DGAT2L6: variants seen among roughly 807,000 people sequenced by gnomAD.
DGAT2L6 encodes diacylglycerol O-acyltransferase 2 like 6.
In DGAT2L6, 22 loss-of-function variants were observed where a neutral mutation model predicts 25.5. The ratio of observed to expected loss-of-function variants is 0.86; its 90% CI spans 0.62 to 1.23. DGAT2L6 has a LOEUF of 1.23. Among genes scored for constraint, DGAT2L6 ranks in the 50% most tolerant of loss-of-function variants. The pLI is 0.00. For missense variants in DGAT2L6, 287 were observed against 253.2 expected (o/e 1.13, Z -0.91); for synonymous variants, 100 against 94.7 (o/e 1.06, Z -0.32).
intron 1 of DGAT2L6, among the ~76,000 whole-genome samples, chrX:70,178,254 T>TTAC: frequency 9.0e-6 from 1 of 111,042 alleles, no homozygotes; most frequent in South Asian, 3.8e-4. Flanking sequence ...AGAGTTGGTG[T>TTAC]TACTAGGTAG....
At chrX:70,178,280 C>T (rs1184774449) in intron 1 of DGAT2L6, among the ~76,000 whole-genome samples, 1 of 110,862 alleles carries the variant, frequency 9.0e-6, no homozygotes, top group African/African-American at 3.3e-5. Context: ...GGGTGATTTT[C>T]TAGTCTATGG....
At chrX:70,177,988 T>A (rs1162030478) in intron 1 of DGAT2L6, among the ~76,000 whole-genome samples, 8 of 108,208 alleles carry the variant, frequency 7.4e-5, no homozygotes, top group African/African-American at 2.4e-4. Context: ...ATACAAAAAT[T>A]AGCCAGGCAT....
chrX:70,179,483 G>A (rs1602686054), intron 1 of DGAT2L6, among the ~76,000 whole-genome samples: 1 of 109,467 alleles, frequency 9.1e-6, no homozygotes, highest in South Asian at 4.0e-4. Context: ...GGGGAAAGAG[G>A]TCAAGAGAGG....
At chrX:70,202,996 G>T (rs1183030490) in intron 5 of DGAT2L6, among the ~76,000 whole-genome samples, 3 of 111,796 alleles carry the variant, frequency 2.7e-5, no homozygotes, top group Non-Finnish European at 3.8e-5. Context: ...CCTCAAGCAG[G>T]CCACCCGCTC....
chrX:70,199,693 G>A, intron 2 of DGAT2L6, 119 bp from the exon 3 acceptor site: 1 of 613,913 alleles, frequency 1.6e-6, no homozygotes, highest in Non-Finnish European at 2.6e-6. Context: ...ACAGTTCTGA[G>A]GTGTCAGAAG....
intron 1 of DGAT2L6, among the ~76,000 whole-genome samples, chrX:70,185,848 A>G (rs2085357757): frequency 9.4e-6 from 1 of 106,232 alleles, no homozygotes; most frequent in African/African-American, 3.5e-5. Context: ...TTGACAAACT[A>G]CTTTTGTTTT....
At chrX:70,180,395 G>A (rs777513967) in intron 1 of DGAT2L6, among the ~76,000 whole-genome samples, 1 of 110,826 alleles carries the variant, frequency 9.0e-6, no homozygotes, top group African/African-American at 3.3e-5. Context: ...GTTGCAGTGA[G>A]CCAAGATTGC....
In DGAT2L6 at chrX:70,205,198, T is replaced by C; in HGVS notation, c.*92T>C. 2.0e-6 allele frequency: 2 copies of C among 979,868 alleles called. No homozygotes were observed. The highest frequency in any genetic ancestry group is 3.5e-5 in the East Asian group (1 of 28,754). 80.8% of individuals were successfully genotyped at this position (979,868 alleles called of 1,213,427 possible). On this transcript the variant is annotated 3_prime_UTR_variant, in exon 7 of 7. Transcript: ENST00000333026. Reference sequence around the variant, plus strand: ...AGAAGAATTCCAGGAGAGGGAAAGATCGTAAGGATGAGAGAGGAGACCATC... The same window carrying C: ...AGAAGAATTCCAGGAGAGGGAAAGACCGTAAGGATGAGAGAGGAGACCATC...
chrX:70,195,658 T>C (rs1356254823), intron 1 of DGAT2L6, among the ~76,000 whole-genome samples: 7 of 111,866 alleles, frequency 6.3e-5, no homozygotes, highest in Non-Finnish European at 1.3e-4. Context: ...CTCAGGAGGC[T>C]GAGGTGGGAG....
At chrX:70,189,869 T>C (rs2085370440) in intron 1 of DGAT2L6, among the ~76,000 whole-genome samples, 1 of 112,215 alleles carries the variant, frequency 8.9e-6, no homozygotes, top group Admixed American at 9.4e-5. Flanking sequence ...TAAAATAATC[T>C]TGTTTTTTCA....
chrX:70,193,630 GAGA>G (rs1367348703), intron 1 of DGAT2L6, among the ~76,000 whole-genome samples: 2 of 112,270 alleles, frequency 1.8e-5, no homozygotes, highest in Admixed American at 9.4e-5. Context: ...ACCACATTAA[GAGA>G]AGAAGAATAA....
intron 1 of DGAT2L6, among the ~76,000 whole-genome samples, chrX:70,196,199 CA>C (rs772420908): frequency 8.2e-5 from 9 of 110,288 alleles, no homozygotes; most frequent in African/African-American, 2.6e-4. Flanking sequence ...CAGGGGAGGT[CA>C]GGGGCAGTGG....
Position 70,200,401 on chromosome X carries a change from A to G in DGAT2L6, c.414A>G (p.Val138=). 1 of 1,211,923 alleles carries G rather than the reference A, an allele frequency of 8.3e-7. No homozygotes were observed. Among genetic ancestry groups the G allele is most frequent in the Non-Finnish European group, 1.1e-6 (1 of 895,521 alleles). Residue 138 remains valine, a synonymous_variant, in exon 4 of 7, where the codon GTA becomes GTG. Coordinates refer to ENST00000333026, the MANE Select transcript of DGAT2L6 (RefSeq NM_198512.3). ...TTTTCCCATCCATCACTCCCTTTGT[A>G]GGGACCTTAGAAAGGATATTTTGGA... is the stretch of plus-strand genomic sequence containing the variant. The part of the protein sequence containing the change: ...ARIFPSITPF[V]GTLERIFWIP...
intron 1 of DGAT2L6, among the ~76,000 whole-genome samples, chrX:70,191,584 G>C (rs1257467981): frequency 8.9e-6 from 1 of 111,780 alleles, no homozygotes; most frequent in African/African-American, 3.3e-5. Context: ...AGAAGAAAAA[G>C]AGAGAGAAAG....
intron 1 of DGAT2L6, among the ~76,000 whole-genome samples, chrX:70,182,685 G>C (rs1305566011): frequency 9.5e-6 from 1 of 105,497 alleles, no homozygotes; most frequent in Middle Eastern, 4.8e-3. Context: ...GCAGAGTCTC[G>C]CTCTGTCGCC....
intron 1 of DGAT2L6, among the ~76,000 whole-genome samples, chrX:70,195,317 G>A (rs1326298627): frequency 9.0e-6 from 1 of 111,725 alleles, no homozygotes; most frequent in African/African-American, 3.3e-5. Context: ...AACCAGTATG[G>A]AAAATAGTGG....
At chrX:70,183,268 C>A (rs2085349419) in intron 1 of DGAT2L6, among the ~76,000 whole-genome samples, 1 of 112,241 alleles carries the variant, frequency 8.9e-6, no homozygotes, top group African/African-American at 3.2e-5. Flanking sequence ...GCGTTCCAGG[C>A]AATCTATTCA....
chrX:70,200,505 G>T (rs1392960714), intron 4 of DGAT2L6, 46 bp downstream of exon 4: 1 of 1,106,876 alleles, frequency 9.0e-7, no homozygotes. Context: ...CTACTTCAAA[G>T]GTGCAACCCC....
intron 1 of DGAT2L6, among the ~76,000 whole-genome samples, chrX:70,184,102 G>A (rs937665071): frequency 9.0e-6 from 1 of 111,442 alleles, no homozygotes; most frequent in Non-Finnish European, 1.9e-5. Context: ...CTTGCTATGA[G>A]ACCTTATGCA....
Sources: gnomAD v4.1 joint callset for allele counts (sites outside exome capture counted in the v4.1 genomes callset) on GRCh38, gnomAD v4.1.1 for gene constraint, MANE v1.5 for transcripts, NCBI Gene and HGNC (gene_info 2026-07-23, HGNC 2026-07-21) for gene names.